ZFYVE26: variants seen among roughly 807,000 people sequenced by gnomAD.
ZFYVE26 encodes the protein zinc finger FYVE domain-containing protein 26.
ZFYVE26 carries 181 observed loss-of-function variants against 276.5 expected under a neutral mutation model. That is an observed-to-expected ratio of 0.65 (90% CI 0.58 to 0.74). ZFYVE26 has a LOEUF of 0.74. Ranked by LOEUF, ZFYVE26 falls within the 30% of genes least tolerant of loss-of-function variation. The pLI is 0.00. For synonymous variants in ZFYVE26, 1,129 were observed against 1,203.1 expected (o/e 0.94, Z 1.27); for missense variants, 2,821 against 3,097.9 (o/e 0.91, Z 2.12).
intron 25 of ZFYVE26, among the ~76,000 whole-genome samples, chr14:67,776,435 TA>T (rs780147563): frequency 1.3e-5 from 2 of 152,212 alleles, no homozygotes; most frequent in African/African-American, 2.4e-5. Flanking sequence ...CAGCCATAGG[TA>T]AAATGATAGT....
chr14:67,762,965 C>T (rs539605211), intron 32 of ZFYVE26, 146 bp from the exon 33 acceptor site: 52 of 1,154,632 alleles, frequency 4.5e-5, no homozygotes, highest in African/African-American at 2.1e-4. Context: ...TGCAGTGGTC[C>T]GATCTCGGCT....
chr14:67,800,958 T>TAAATAAAA (rs2040065521), intron 10 of ZFYVE26, among the ~76,000 whole-genome samples: 1 of 150,796 alleles, frequency 6.6e-6, no homozygotes, highest in African/African-American at 2.5e-5. Context: ...AATAAATAAA[T>TAAATAAAA]AAAAGTACAG....
At chr14:67,757,092 A>C (rs1038593125) in intron 35 of ZFYVE26, among the ~76,000 whole-genome samples, 1 of 152,096 alleles carries the variant, frequency 6.6e-6, no homozygotes, top group African/African-American at 2.4e-5. Flanking sequence ...CAGCACACAG[A>C]ATCTGGCCAC....
Position 67,805,265 on chromosome 14 carries a change from C to CT in ZFYVE26, c.1222_1223insA (p.Gly408GlufsTer72). ...CAGGACCTCCAGGTGAGCCCACAAC[C>CT]CATCACAGGCATCCCTGAGGAGCTC... On this transcript the variant is annotated frameshift_variant, in exon 8 of 42. Transcript: ENST00000347230. LOFTEE classifies it high-confidence loss of function. 2 of 1,614,134 alleles carry CT rather than the reference C, an allele frequency of 1.2e-6. No homozygotes were observed. The highest frequency in any genetic ancestry group is 1.7e-6 in the Non-Finnish European group (2 of 1,180,014).
At chr14:67,754,255 C>T (rs777418477) in intron 37 of ZFYVE26, 43 bp from the exon 38 acceptor site, 2 of 1,613,370 alleles carry the variant, frequency 1.2e-6, no homozygotes. Flanking sequence ...ATGAGGGGCC[C>T]CAGGTGACTG....
At chr14:67,752,173 T>G (rs891119093) in intron 40 of ZFYVE26, among the ~76,000 whole-genome samples, 171 bp downstream of exon 40, 1 of 152,214 alleles carries the variant, frequency 6.6e-6, no homozygotes, top group Non-Finnish European at 1.5e-5. Flanking sequence ...TCCATAAATT[T>G]TCTTTACAGG....
At chr14:67,783,609 G>C in intron 20 of ZFYVE26, 84 bp from the exon 21 acceptor site, 1 of 1,546,766 alleles carries the variant, frequency 6.5e-7, no homozygotes, top group Non-Finnish European at 8.8e-7. Flanking sequence ...ATGCTTACAT[G>C]AGCAAATGTA....
Position 67,805,511 on chromosome 14 carries a change from T to C in ZFYVE26, c.1125A>G (p.Thr375=), listed in dbSNP as rs144726683. ...LSCLLVLLGW[T]HCQSLESAKR... Reference sequence around the variant, plus strand: ...TGGCTGACTCTAGGCTCTGGCAGTGTGTCCAGCCCAGGAGTACAAGCAGGC... The same window carrying C: ...TGGCTGACTCTAGGCTCTGGCAGTGCGTCCAGCCCAGGAGTACAAGCAGGC... Residue 375 remains threonine, a synonymous_variant, in exon 7 of 42, where the codon ACA becomes ACG. Coordinates refer to ENST00000347230, the MANE Select transcript of ZFYVE26 (RefSeq NM_015346.4). 6.2e-7 allele frequency: 1 copy of C among 1,614,208 alleles called. No individual in the cohort carries two copies. Among genetic ancestry groups the C allele is most frequent in the Non-Finnish European group, 8.5e-7 (1 of 1,180,034 alleles).
In ZFYVE26 at chr14:67,807,680, G is replaced by T. The variant is rs765780851; in HGVS notation, c.604C>A (p.Arg202=). Residue 202 remains arginine (R), a synonymous_variant, in exon 5 of 42, where the codon CGG becomes AGG. Transcript: ENST00000347230. ...ALVDLIRKAL[R]ALQGPDSVPP... ...ACCGAATCAGGGCCCTGCAAAGCCCGCAATGCCTTTCGAATGAGGTCCACC... is the reference window on the plus strand; with the variant it reads ...ACCGAATCAGGGCCCTGCAAAGCCCTCAATGCCTTTCGAATGAGGTCCACC... 1.9e-6 allele frequency: 3 copies of T among 1,614,160 alleles called. No homozygotes were observed. Among genetic ancestry groups the T allele is most frequent in the Non-Finnish European group, 2.5e-6 (3 of 1,180,036 alleles).
At chr14:67,758,404 C>T (rs2038843197) in intron 35 of ZFYVE26, among the ~76,000 whole-genome samples, 1 of 152,166 alleles carries the variant, frequency 6.6e-6, no homozygotes, top group African/African-American at 2.4e-5. Context: ...TTTATCTATC[C>T]ACTCACTCAT....
chr14:67,743,475 A>G (rs753612319), downstream of ZFYVE26, among the ~76,000 whole-genome samples: 13 of 151,636 alleles, frequency 8.6e-5, no homozygotes, highest in Non-Finnish European at 1.9e-4. Context: ...TGAGGGACAG[A>G]GCCAGACCCT....
At chr14:67,760,000 A>G (rs570951326) in intron 35 of ZFYVE26, among the ~76,000 whole-genome samples, 1 of 152,272 alleles carries the variant, frequency 6.6e-6, no homozygotes, top group African/African-American at 2.4e-5. Flanking sequence ...AATAAATGTA[A>G]GATATTTCAG....
At chr14:67,794,638 T>C (rs1246676793) in intron 12 of ZFYVE26, among the ~76,000 whole-genome samples, 1 of 152,202 alleles carries the variant, frequency 6.6e-6, no homozygotes, top group East Asian at 1.9e-4. Context: ...AAAAGGTATC[T>C]TCATACTTGA....
intron 35 of ZFYVE26, among the ~76,000 whole-genome samples, chr14:67,759,823 G>C (rs1202595862): frequency 6.6e-6 from 1 of 152,028 alleles, no homozygotes; most frequent in African/African-American, 2.4e-5. Flanking sequence ...CTTTTAGGGA[G>C]GGGAATAACA....
rs369886014 is a variant in ZFYVE26, at chr14:67,807,709, G to T, written c.575C>A (p.Ala192Glu). 4.0e-5 allele frequency: 64 copies of T among 1,614,196 alleles called. No individual in the cohort carries two copies. The East Asian group carries it at 9.6e-4, about 24-fold the overall frequency. Reference protein sequence around the residue: ...TGLCHWPLQNALVDLIRKALR... With the variant: ...TGLCHWPLQNELVDLIRKALR... ...TGCCTTTCGAATGAGGTCCACCAGTGCATTCTGCAGAGGCCAGTGACAGAG... is the reference window on the plus strand; with the variant it reads ...TGCCTTTCGAATGAGGTCCACCAGTTCATTCTGCAGAGGCCAGTGACAGAG... Residue 192 changes from alanine (A) to glutamate (E), a missense_variant, in exon 5 of 42, where the codon GCA becomes GAA. Transcript: ENST00000347230.
chr14:67,742,838 C>CTTCTTTTTTTTTTT (rs769663149), downstream of ZFYVE26, among the ~76,000 whole-genome samples: 84 of 89,756 alleles, frequency 9.4e-4, no homozygotes, highest in Non-Finnish European at 1.4e-3. Flanking sequence ...TCTTCTTCTT[C>CTTCTTTTTTTTTTT]TTTTTTTTTT....
chr14:67,815,397 T>C (rs1160591231), intron 2 of ZFYVE26: 1 of 280,760 alleles, frequency 3.6e-6, no homozygotes, highest in African/African-American at 2.2e-5. Context: ...AAATAAAAAG[T>C]TTTAAGTAAA....
At chr14:67,772,349 T>C in intron 27 of ZFYVE26, 139 bp from the exon 28 acceptor site, 4 of 1,037,264 alleles carry the variant, frequency 3.9e-6, no homozygotes, top group South Asian at 1.4e-5. Context: ...AGTGACTGTT[T>C]GTGTCATAAA....
rs146043925 is a variant in ZFYVE26, at chr14:67,758,993, A to C, written c.6588+2373T>G. Among the ~76,000 whole-genome samples the C allele has an allele frequency of 3.2e-3, 483 of 152,164 alleles. 17 individuals are homozygous for C. In the East Asian group the frequency reaches 0.08, roughly 25 times the overall value. On this transcript the variant is annotated intron_variant, in intron 35 of 41. Transcript: ENST00000347230. ...GGTGGCTCACGCCTCTAATCCCAGC[A>C]CTTTGGGAGGCCGAGGCGGGCAGAT...
Sources: allele counts gnomAD v4.1 joint callset (sites outside exome capture counted in the v4.1 genomes callset), GRCh38; gene constraint gnomAD v4.1.1; transcripts MANE v1.5; gene names NCBI Gene and HGNC (gene_info 2026-07-23, HGNC 2026-07-21).